Variants in PDZD2 observed in about 807,000 individuals in gnomAD.
PDZD2 encodes PDZ domain containing 2, also known as PDZ domain-containing protein 2.
A neutral mutation model predicts 220.7 loss-of-function variants in PDZD2; 90 were observed. The ratio of observed to expected loss-of-function variants is 0.41; its 90% CI spans 0.34 to 0.49. PDZD2 has a LOEUF of 0.49. Ranked by LOEUF, PDZD2 falls within the 20% of genes least tolerant of loss-of-function variation. The pLI is 0.28. For missense variants in PDZD2, 3,174 were observed against 3,608.5 expected, an observed-to-expected ratio of 0.88 and a Z score of 3.08; for synonymous variants, 1,375 against 1,450.5, an observed-to-expected ratio of 0.95 and a Z score of 1.18.
intron 1 of PDZD2, 40 bp from the exon 2 acceptor site, chr5:31,798,849 T>C: frequency 5.0e-6 from 1 of 200,632 alleles, no homozygotes; most frequent in Non-Finnish European, 1.0e-5. Flanking sequence ...GGCTCACTGT[T>C]GTAACTGGAG....
intron 2 of PDZD2, among the ~76,000 whole-genome samples, chr5:31,957,962 A>G (rs1747868472): frequency 6.6e-6 from 1 of 152,188 alleles, no homozygotes; most frequent in Non-Finnish European, 1.5e-5. Context: ...TCATCTTGCC[A>G]CCTAGACACC....
intron 1 of PDZD2, among the ~76,000 whole-genome samples, chr5:31,719,451 A>G (rs1748649973): frequency 6.6e-6 from 1 of 152,230 alleles, no homozygotes; most frequent in South Asian, 2.1e-4. Flanking sequence ...CCGACAAAAC[A>G]GTAGCAGGTG....
chr5:31,872,142 G>GGGGTGTGTGT (rs1554086796), intron 2 of PDZD2, among the ~76,000 whole-genome samples: 3 of 147,676 alleles, frequency 2.0e-5, no homozygotes, highest in African/African-American at 7.5e-5. Context: ...TAAGGTGAGT[G>GGGGTGTGTGT]GTGTGTGTGT....
chr5:31,952,190 CTGTG>C (rs371491871), intron 2 of PDZD2, among the ~76,000 whole-genome samples: 11 of 152,282 alleles, frequency 7.2e-5, no homozygotes, highest in African/African-American at 2.6e-4. Flanking sequence ...GTTCCACTGT[CTGTG>C]GTCATAATTT....
chr5:32,048,784 G>A, intron 8 of PDZD2, 100 bp downstream of exon 8: 1 of 1,237,068 alleles, frequency 8.1e-7, no homozygotes, highest in Non-Finnish European at 1.1e-6. Context: ...GGCTAGAGAA[G>A]TGGGATAGAG....
At chr5:31,789,750 C>A (rs1409419024) in intron 1 of PDZD2, among the ~76,000 whole-genome samples, 2 of 152,212 alleles carry the variant, frequency 1.3e-5, no homozygotes, top group Admixed American at 1.3e-4. Flanking sequence ...GAAACCCCAT[C>A]TCTACTAAAA....
rs192221598 is a variant in PDZD2, at chr5:31,974,940, A to C, written c.477-8215A>C. 3.9e-5 allele frequency among the ~76,000 whole-genome samples: 6 copies of C among 152,318 alleles called. No individual in the cohort carries two copies. In the East Asian group the frequency reaches 1.2e-3, roughly 29 times the overall value. On this transcript the variant is annotated intron_variant, in intron 2 of 24. Coordinates refer to ENST00000438447, the MANE Select transcript of PDZD2 (RefSeq NM_178140.4). ...ACAAACAATAAACTATGTAATGGTA[A>C]CAAGATTTGGTAGTTGATAATTTGA...
In PDZD2 at chr5:31,743,770, G is replaced by A. The variant is rs962789654; in HGVS notation, c.-360-55119G>A. Among the ~76,000 whole-genome samples, 7 of 151,866 alleles carry A rather than the reference G, an allele frequency of 4.6e-5. No homozygotes were observed. In the East Asian group the frequency reaches 1.4e-3, roughly 29 times the overall value. On this transcript the variant is annotated intron_variant, in intron 1 of 24. Coordinates refer to ENST00000438447, the MANE Select transcript of PDZD2 (RefSeq NM_178140.4). ...CCACTCTCTGTCAGATTCTCAGCTA[G>A]GATATTGGTGCCTCAGATATGAAAG...
intron 1 of PDZD2, among the ~76,000 whole-genome samples, chr5:31,709,212 A>G (rs1747973620): frequency 6.6e-6 from 1 of 152,090 alleles, no homozygotes; most frequent in Non-Finnish European, 1.5e-5. Context: ...AAAGATTATA[A>G]TAATAAGGCC....
intron 3 of PDZD2, among the ~76,000 whole-genome samples, chr5:31,992,940 G>A (rs956211456): frequency 3.3e-5 from 5 of 151,528 alleles, no homozygotes; most frequent in South Asian, 2.1e-4. Flanking sequence ...CTATGCTGGC[G>A]TGGGAGGCCC....
At chr5:31,838,892 T>C (rs1252323034) in intron 2 of PDZD2, among the ~76,000 whole-genome samples, 1 of 152,156 alleles carries the variant, frequency 6.6e-6, no homozygotes, top group African/African-American at 2.4e-5. Context: ...AGTTTCTTCA[T>C]CTTCATCATC....
At chr5:31,880,958 T>C (rs199737895) in intron 2 of PDZD2, among the ~76,000 whole-genome samples, 3 of 151,682 alleles carry the variant, frequency 2.0e-5, no homozygotes, top group African/African-American at 7.3e-5. Context: ...CCTACCACCA[T>C]GCCCGGCTAA....
rs201958928 is a variant in PDZD2 at position 32,090,727 on chromosome 5, C to T, written c.7279C>T (p.Arg2427Trp). 27 of 1,614,034 alleles carry T rather than the reference C, an allele frequency of 1.7e-5. No homozygotes were observed. The highest frequency in any genetic ancestry group is 7.7e-5 in the South Asian group (7 of 91,090). ...CTCAATCATGACACTGACCATCTCT[C>T]GGCAGAACCCACCAGAGACCAGTAG... ...SPSIMTLTIS[R>W]QNPPETSSKG... The change falls in exon 20 of 25, where the codon CGG becomes TGG. Residue 2427 changes from arginine (R) to tryptophan (W), a missense_variant. Coordinates refer to ENST00000438447, the MANE Select transcript of PDZD2 (RefSeq NM_178140.4). This position sits in a 1 kb window ranked among gnomAD's most constrained non-coding sequence, Gnocchi z 4.3.
intron 1 of PDZD2, among the ~76,000 whole-genome samples, chr5:31,716,990 G>A (rs1394459193): frequency 1.3e-5 from 2 of 152,076 alleles, no homozygotes; most frequent in East Asian, 3.9e-4. Flanking sequence ...TTGATTGATC[G>A]GTTAACATAT....
intron 1 of PDZD2, among the ~76,000 whole-genome samples, chr5:31,744,717 T>G (rs368369379): frequency 6.6e-6 from 1 of 152,200 alleles, no homozygotes; most frequent in African/African-American, 2.4e-5. Context: ...TTCAGAAGGT[T>G]TTAGTGAACA....
intron 1 of PDZD2, among the ~76,000 whole-genome samples, chr5:31,737,193 G>A (rs1232479978): frequency 2.0e-4 from 7 of 34,768 alleles, no homozygotes; most frequent in South Asian, 7.5e-4. Flanking sequence ...TTTTTTTTTT[G>A]AGATGGAGTC....
At position 32,057,729 on chromosome 5, in the gene PDZD2, G is replaced by A. The variant is rs1368156476; in HGVS notation, c.1974+1G>A. ...TCAAGAAGCCATTCATACCTTTAAGGTAACAACATTCTTATTGATCTCCTT... is the reference window on the plus strand; with the variant it reads ...TCAAGAAGCCATTCATACCTTTAAGATAACAACATTCTTATTGATCTCCTT... On this transcript the variant is annotated splice_donor_variant, in intron 11 of 24. Coordinates refer to ENST00000438447, the MANE Select transcript of PDZD2 (RefSeq NM_178140.4). LOFTEE classifies it high-confidence loss of function. 6.4e-7 allele frequency: 1 copy of A among 1,563,058 alleles called. No homozygotes were observed. The highest frequency in any genetic ancestry group is 8.8e-7 in the Non-Finnish European group (1 of 1,135,586).
chr5:32,040,973 A>G (rs12658110), intron 7 of PDZD2, among the ~76,000 whole-genome samples: 58,960 of 124,360 alleles, frequency 0.47, 12,923 homozygotes, highest in African/African-American at 0.6. Flanking sequence ...CTGCCTGGCC[A>G]CCCCGTCTGG....
intron 2 of PDZD2, among the ~76,000 whole-genome samples, chr5:31,907,169 A>T (rs6866531): frequency 0.06 from 9,075 of 152,280 alleles, 890 homozygotes; most frequent in African/African-American, 0.2. Context: ...CCATGATAAA[A>T]TACTGCATGG....
Sources: allele counts gnomAD v4.1 joint callset (sites outside exome capture counted in the v4.1 genomes callset), GRCh38; gene constraint gnomAD v4.1.1; non-coding constraint Gnocchi (gnomAD v3.1); transcripts MANE v1.5; gene names NCBI Gene and HGNC (gene_info 2026-07-23, HGNC 2026-07-21).